SLC2A9: variants seen among roughly 807,000 people sequenced by gnomAD.
The protein encoded by SLC2A9 is solute carrier family 2 member 9, also known as solute carrier family 2, facilitated glucose transporter member 9.
Under a neutral mutation model 50.6 loss-of-function variants are expected in SLC2A9, and 39 were observed. That is an observed-to-expected ratio of 0.77 (90% CI 0.60 to 1.01). The LOEUF (loss-of-function observed/expected upper bound fraction) is 1.01, where lower values mean the gene tolerates loss of function less well. Among genes scored for constraint, SLC2A9 ranks in the 50% least tolerant of loss-of-function variants. SLC2A9 has a pLI of 0.00. For missense variants in SLC2A9, 686 were observed against 677.6 expected (o/e 1.01, Z -0.14); for synonymous variants, 324 against 276.9 (o/e 1.17, Z -1.69).
chr4:10,010,720 CACAA>C lies in SLC2A9; in HGVS notation c.249+8251_249+8254del, dbSNP rs957944581. 6.6e-5 allele frequency among the ~76,000 whole-genome samples: 10 copies of C among 152,304 alleles called. 2 individuals are homozygous for C. Among genetic ancestry groups the C allele is most frequent in the Admixed American group, 3.9e-4 (6 of 15,290 alleles). On this transcript the variant is annotated intron_variant, in intron 2 of 11. Coordinates refer to ENST00000264784, the MANE Select transcript of SLC2A9 (RefSeq NM_020041.3). ...CCCCCAAGCTACAGGCCAGAAACTGCACAAACAGGCACCAAGTTCACTGTCTACC... is the reference window on the plus strand; with the variant it reads ...CCCCCAAGCTACAGGCCAGAAACTGCACAGGCACCAAGTTCACTGTCTACC...
In SLC2A9 at chr4:9,890,284, G is replaced by A. The variant is rs186239844; in HGVS notation, c.1215+326C>T. On this transcript the variant is annotated intron_variant, in intron 9 of 11. Transcript: ENST00000264784. ...GTGACAGCTGGAAGGAGCACCTTAA[G>A]GTTGTCTAGTGCAAGCTCTTCTATT... 2.0e-3 allele frequency among the ~76,000 whole-genome samples: 311 copies of A among 152,294 alleles called. 1 individual carries two copies. Among genetic ancestry groups the A allele is most frequent in the Admixed American group, 4.2e-3 (65 of 15,298 alleles).
intron 10 of SLC2A9, among the ~76,000 whole-genome samples, chr4:9,836,859 G>A (rs535853888): frequency 6.6e-6 from 1 of 152,294 alleles, no homozygotes; most frequent in South Asian, 2.1e-4. Flanking sequence ...ATGAAAGGAA[G>A]GGTCTGAATT....
chr4:9,981,678 C>G (rs961648294), intron 4 of SLC2A9, among the ~76,000 whole-genome samples: 2 of 152,084 alleles, frequency 1.3e-5, no homozygotes, highest in African/African-American at 4.8e-5. Flanking sequence ...TTATGGGACT[C>G]CGTTATGGCA....
chr4:9,940,321 A>G (rs1177776875), intron 6 of SLC2A9, among the ~76,000 whole-genome samples: 1 of 152,208 alleles, frequency 6.6e-6, no homozygotes, highest in Non-Finnish European at 1.5e-5. Context: ...CCACATGGGA[A>G]GTCACCCGGT....
chr4:9,902,305 C>G (rs1466735519), intron 8 of SLC2A9, among the ~76,000 whole-genome samples: 1 of 152,214 alleles, frequency 6.6e-6, no homozygotes, highest in East Asian at 1.9e-4. Context: ...AGACCTTTGT[C>G]TGTTTTGTCC....
chr4:9,799,236 G>C (rs1302707089), exon 4 of SLC2A9: 1 of 152,132 alleles, frequency 6.6e-6, no homozygotes, highest in Non-Finnish European at 1.5e-5. Context: ...TAGTTCCTTT[G>C]AGCTGCTAAA....
At chr4:10,039,112 T>C (rs567452749) in intron 1 of SLC2A9, among the ~76,000 whole-genome samples, 1 of 152,278 alleles carries the variant, frequency 6.6e-6, no homozygotes, top group East Asian at 1.9e-4. Flanking sequence ...TGCTCTAGAG[T>C]GTTCATGTGA....
At chr4:10,008,761 C>CA (rs1438277044) in intron 2 of SLC2A9, among the ~76,000 whole-genome samples, 2 of 152,154 alleles carry the variant, frequency 1.3e-5, no homozygotes, top group Non-Finnish European at 2.9e-5. Flanking sequence ...GCCAGTCACT[C>CA]AATCTCTCCC....
intron 10 of SLC2A9, among the ~76,000 whole-genome samples, chr4:9,849,737 A>G (rs779623921): frequency 2.0e-5 from 3 of 152,172 alleles, no homozygotes; most frequent in African/African-American, 4.8e-5. Flanking sequence ...AAACACAATT[A>G]AAGTCTCTCA....
chr4:9,894,086 G>C (rs560875486), intron 8 of SLC2A9, among the ~76,000 whole-genome samples: 14 of 152,158 alleles, frequency 9.2e-5, no homozygotes, highest in Non-Finnish European at 1.8e-4. Flanking sequence ...CTCACCTTCT[G>C]GGCATTGATC....
chr4:9,821,592 C>A (rs573800031), downstream of SLC2A9, among the ~76,000 whole-genome samples: 4 of 152,152 alleles, frequency 2.6e-5, no homozygotes, highest in African/African-American at 9.6e-5. Flanking sequence ...CACGTGTATA[C>A]CTATGTAACA....
chr4:9,928,333 G>C (rs1745282526), intron 6 of SLC2A9, among the ~76,000 whole-genome samples: 1 of 152,208 alleles, frequency 6.6e-6, no homozygotes, highest in Non-Finnish European at 1.5e-5. Flanking sequence ...ATTTTAACAG[G>C]AGTGAGAAAG....
intron 5 of SLC2A9, among the ~76,000 whole-genome samples, chr4:9,958,184 C>T (rs28837683): frequency 0.5 from 75,816 of 152,106 alleles, 20,715 homozygotes; most frequent in African/African-American, 0.72. Context: ...TAACTATCTA[C>T]TGGGTATAAG....
chr4:9,836,219 G>A (rs1727081962), intron 10 of SLC2A9, among the ~76,000 whole-genome samples: 1 of 151,606 alleles, frequency 6.6e-6, no homozygotes, highest in Admixed American at 6.6e-5. Flanking sequence ...TGGGTGATGG[G>A]TGCATCAAAA....
chr4:9,873,429 T>C (rs1360308242), intron 10 of SLC2A9, among the ~76,000 whole-genome samples: 2 of 152,218 alleles, frequency 1.3e-5, no homozygotes, highest in Non-Finnish European at 2.9e-5. Context: ...GGGAAAGTCT[T>C]TCCCCATCCC....
At chr4:9,798,501 C>T (rs917721213), downstream of SLC2A9, among the ~76,000 whole-genome samples, 1 of 152,166 alleles carries the variant, frequency 6.6e-6, no homozygotes, top group African/African-American at 2.4e-5. Context: ...ACACCCCCAA[C>T]TTCCCCGCCT....
intron 2 of SLC2A9, among the ~76,000 whole-genome samples, chr4:10,000,505 A>T (rs1759585047): frequency 6.6e-6 from 1 of 152,200 alleles, no homozygotes; most frequent in African/African-American, 2.4e-5. Context: ...AATGGCCAAG[A>T]ATCCAGGTGC....
chr4:9,979,166 G>A (rs951167575), intron 5 of SLC2A9, among the ~76,000 whole-genome samples: 9 of 152,126 alleles, frequency 5.9e-5, no homozygotes, highest in Non-Finnish European at 1.3e-4. Context: ...CCCGGGTTCT[G>A]GTTTCAGCAC....
intron 2 of SLC2A9, among the ~76,000 whole-genome samples, chr4:10,012,881 G>T (rs1271358137): frequency 6.6e-6 from 1 of 152,196 alleles, no homozygotes; most frequent in Non-Finnish European, 1.5e-5. Context: ...CAGGTACCGT[G>T]TAAGTCACCA....
Sources: gnomAD v4.1 joint callset for allele counts (sites outside exome capture counted in the v4.1 genomes callset) on GRCh38, gnomAD v4.1.1 for gene constraint, MANE v1.5 for transcripts, NCBI Gene and HGNC (gene_info 2026-07-23, HGNC 2026-07-21) for gene names.